The following BPHL variants were observed in gnomAD, a reference collection of about 807,000 sequenced individuals.
BPHL encodes biphenyl hydrolase like.
In BPHL, 27 loss-of-function variants were observed where a neutral mutation model predicts 31.2. That is an observed-to-expected ratio of 0.87 (90% CI 0.64 to 1.19). The LOEUF (loss-of-function observed/expected upper bound fraction) is 1.19, where lower values mean the gene tolerates loss of function less well. Among genes scored for constraint, BPHL ranks in the 50% most tolerant of loss-of-function variants. BPHL has a pLI of 0.00. For missense variants in BPHL, 356 were observed against 375.7 expected, an observed-to-expected ratio of 0.95 and a Z score of 0.43; for synonymous variants, 150 against 146.8, an observed-to-expected ratio of 1.02 and a Z score of -0.16.
Position 3,118,738 on chromosome 6 carries a change from A to C in BPHL, c.-3A>C. ...ACTCCCGGCAGCTACGCGACCTGTG[A>C]CCATGGTGGCTGTGCTGGGCGGCCG... On this transcript the variant is annotated 5_prime_UTR_variant, in exon 1 of 7. Coordinates refer to ENST00000380379, the MANE Select transcript of BPHL (RefSeq NM_004332.4). 1 of 1,261,482 alleles carries C rather than the reference A, an allele frequency of 7.9e-7. No homozygotes were observed. Among genetic ancestry groups the C allele is most frequent in the Non-Finnish European group, 1.0e-6 (1 of 999,554 alleles). 78.1% of individuals were successfully genotyped at this position (1,261,482 alleles called of 1,614,324 possible).
At chr6:3,125,495 T>C (rs1335782614) in intron 2 of BPHL, among the ~76,000 whole-genome samples, 2 of 152,212 alleles carry the variant, frequency 1.3e-5, no homozygotes, top group Non-Finnish European at 2.9e-5. Flanking sequence ...ACTATGTACA[T>C]GTATTCCTTA....
intron 6 of BPHL, among the ~76,000 whole-genome samples, chr6:3,146,733 G>T (rs577410163): frequency 6.8e-6 from 1 of 147,382 alleles, no homozygotes; most frequent in African/African-American, 2.5e-5. Context: ...GTTGAGTGCT[G>T]GTTTGGGTCG....
intron 5 of BPHL, among the ~76,000 whole-genome samples, chr6:3,137,836 T>C (rs897486641): frequency 6.6e-6 from 1 of 152,198 alleles, no homozygotes; most frequent in African/African-American, 2.4e-5. Context: ...AATGAGTAAT[T>C]CGAAAATAAA....
intron 6 of BPHL, among the ~76,000 whole-genome samples, chr6:3,148,794 G>A (rs1007996645): frequency 6.6e-6 from 1 of 152,208 alleles, no homozygotes; most frequent in Non-Finnish European, 1.5e-5. Flanking sequence ...AAACAGTGTG[G>A]TCTGAACCTT....
chr6:3,121,764 A>G (rs1761581038), intron 1 of BPHL, among the ~76,000 whole-genome samples: 1 of 152,198 alleles, frequency 6.6e-6, no homozygotes, highest in East Asian at 1.9e-4. Flanking sequence ...AGGAGCTTAT[A>G]GTTTAGTCAG....
At chr6:3,136,432 C>A (rs1258117494) in intron 4 of BPHL, among the ~76,000 whole-genome samples, 1 of 152,202 alleles carries the variant, frequency 6.6e-6, no homozygotes, top group African/African-American at 2.4e-5. Flanking sequence ...AGCCAGTCAG[C>A]AGAAGCAAAG....
intron 1 of BPHL, chr6:3,119,631 C>G: frequency 2.2e-6 from 3 of 1,376,738 alleles, no homozygotes; most frequent in Non-Finnish European, 1.0e-6. Context: ...GCTTGTTTTA[C>G]TTTATTCTCT....
chr6:3,147,257 C>G (rs13199036), intron 6 of BPHL, among the ~76,000 whole-genome samples: 1 of 151,792 alleles, frequency 6.6e-6, no homozygotes, highest in African/African-American at 2.4e-5. Flanking sequence ...TGAGACCCCA[C>G]CTGAAAAATA....
intron 6 of BPHL, among the ~76,000 whole-genome samples, chr6:3,141,299 G>C (rs1581479460): frequency 1.3e-5 from 2 of 152,290 alleles, no homozygotes; most frequent in Middle Eastern, 6.8e-3. Flanking sequence ...TAAGAGCATA[G>C]AGTCAGTGAA....
At chr6:3,135,964 C>T (rs931923737) in intron 4 of BPHL, among the ~76,000 whole-genome samples, 4 of 152,176 alleles carry the variant, frequency 2.6e-5, no homozygotes, top group African/African-American at 7.2e-5. Flanking sequence ...GGCCTGCCTG[C>T]GAACACTGCG....
At chr6:3,131,318 T>C (rs1761861124) in intron 4 of BPHL, among the ~76,000 whole-genome samples, 2 of 152,196 alleles carry the variant, frequency 1.3e-5, no homozygotes, top group East Asian at 1.9e-4. Context: ...CCATAATCAC[T>C]ATCTCAGTTC....
rs373125645 is a variant in BPHL at position 3,141,324 on chromosome 6, G to A, written c.788+815G>A. On this transcript the variant is annotated intron_variant, in intron 6 of 6. Transcript: ENST00000380379. ...GAGTCAGTGAAGAGCAAAGGTGGGA[G>A]TTAGGCAGGATTATACTGCGGGTGG... Among the ~76,000 whole-genome samples, 33 of 152,292 alleles carry A rather than the reference G, an allele frequency of 2.2e-4. No individual in the cohort carries two copies. In the East Asian group the frequency reaches 6.4e-3, roughly 29 times the overall value.
intron 5 of BPHL, chr6:3,137,900 C>T: frequency 3.2e-6 from 3 of 944,812 alleles, no homozygotes; most frequent in Non-Finnish European, 4.4e-6. Flanking sequence ...GATGTGTCTC[C>T]CCACGAGGAC....
In BPHL at chr6:3,144,072, C is replaced by G. The variant is rs571779220; in HGVS notation, c.788+3563C>G. On this transcript the variant is annotated intron_variant, in intron 6 of 6. Transcript: ENST00000380379. Reference sequence around the variant, plus strand: ...GTGGCTCCTTATACCTTTTTTCTTCCTCTTTTTTTGTTTTTGAGACAGAGT... The same window carrying G: ...GTGGCTCCTTATACCTTTTTTCTTCGTCTTTTTTTGTTTTTGAGACAGAGT... Among the ~76,000 whole-genome samples, 5 of 152,264 alleles carry G rather than the reference C, an allele frequency of 3.3e-5. 1 individual carries two copies. The East Asian group carries it at 9.7e-4, about 29-fold the overall frequency.
intron 4 of BPHL, among the ~76,000 whole-genome samples, chr6:3,132,899 G>A (rs1320177273): frequency 6.6e-6 from 1 of 152,136 alleles, no homozygotes; most frequent in African/African-American, 2.4e-5. Context: ...TTCTCACTAT[G>A]TTGCCTTATT....
In BPHL at chr6:3,129,197, G is replaced by A. The variant is rs1290443575; in HGVS notation, c.531G>A (p.Glu177=). The part of the protein sequence containing the change: ...YVTDEDSMIY[E]GIRDVSKWSE... ...CTGACGAAGACAGCATGATATATGA[G>A]GGTAGGTTCTGCGAAGGGGAGATGC... Residue 177 remains glutamate, a splice_region_variant and synonymous_variant, in exon 4 of 7, where the codon GAG becomes GAA. Coordinates refer to ENST00000380379, the MANE Select transcript of BPHL (RefSeq NM_004332.4). The A allele has an allele frequency of 3.2e-6, 5 of 1,565,780 alleles. No individual in the cohort carries two copies. The highest frequency in any genetic ancestry group is 4.3e-6 in the Non-Finnish European group (5 of 1,157,004).
At chr6:3,127,132 C>A in intron 2 of BPHL, 110 bp from the exon 3 acceptor site, 2 of 732,678 alleles carry the variant, frequency 2.7e-6, no homozygotes, top group Non-Finnish European at 4.2e-6. Flanking sequence ...ATTCTGACCA[C>A]TTTGAGTAGA....
intron 6 of BPHL, among the ~76,000 whole-genome samples, chr6:3,147,858 A>C (rs1003970530): frequency 6.6e-6 from 1 of 152,194 alleles, no homozygotes; most frequent in African/African-American, 2.4e-5. Flanking sequence ...CTTGAGACCC[A>C]GGAAGAGCCA....
At chr6:3,125,673 C>T (rs980558572) in intron 2 of BPHL, among the ~76,000 whole-genome samples, 1 of 152,160 alleles carries the variant, frequency 6.6e-6, no homozygotes, top group Non-Finnish European at 1.5e-5. Context: ...CAGAACCCCT[C>T]CAGGTCAGAG....
Sources: allele counts gnomAD v4.1 joint callset (sites outside exome capture counted in the v4.1 genomes callset), GRCh38; gene constraint gnomAD v4.1.1; transcripts MANE v1.5; gene names NCBI Gene and HGNC (gene_info 2026-07-23, HGNC 2026-07-21).